Variants in HMBOX1 observed in about 807,000 individuals in gnomAD.
HMBOX1 encodes the protein homeobox-containing protein 1.
HMBOX1 carries 14 observed loss-of-function variants against 54.5 expected under a neutral mutation model. The ratio of observed to expected loss-of-function variants is 0.26; its 90% confidence interval spans 0.17 to 0.40. The LOEUF (loss-of-function observed/expected upper bound fraction) is 0.40, where lower values mean the gene tolerates loss of function less well. HMBOX1 is among the 10% of genes least tolerant of loss of function. The probability of loss-of-function intolerance (pLI) is 1.00; values close to 1 mark genes in which losing one functional copy is unlikely to be tolerated. For synonymous variants in HMBOX1, 160 were observed against 181.0 expected (o/e 0.88, Z 0.93); for missense variants, 332 against 514.4 (o/e 0.65, Z 3.43).
At chr8:29,042,601 A>T (rs529957944) in intron 6 of HMBOX1, 15 of 454,636 alleles carry the variant, frequency 3.3e-5, no homozygotes, top group African/African-American at 2.8e-4. Context: ...TGGATTTATT[A>T]AAAAAACCAA....
chr8:29,006,325 T>C (rs1458966293), intron 4 of HMBOX1, among the ~76,000 whole-genome samples: 1 of 152,080 alleles, frequency 6.6e-6, no homozygotes, highest in East Asian at 1.9e-4. Context: ...CATTTAGTTG[T>C]TTCACATTGG....
rs143598204 is a variant in HMBOX1, at chr8:28,914,413, T to C, written c.-58+23735T>C. 4.5e-3 allele frequency among the ~76,000 whole-genome samples: 691 copies of C among 152,326 alleles called. 2 individuals are homozygous for C. The highest frequency in any genetic ancestry group is 5.8e-3 in the Non-Finnish European group (395 of 68,026). ...AATAGATACCCCATCTATTAAAGAA[T>C]GGCCAGTGGGAAATTTAACATACTA... On this transcript the variant is annotated intron_variant, in intron 1 of 9. Coordinates refer to ENST00000287701, the MANE Select transcript of HMBOX1 (RefSeq NM_001135726.3).
At chr8:28,909,905 G>A (rs932353170) in intron 1 of HMBOX1, among the ~76,000 whole-genome samples, 1 of 151,700 alleles carries the variant, frequency 6.6e-6, no homozygotes, top group South Asian at 2.1e-4. Flanking sequence ...CATCACCCAG[G>A]CTGTAGTACT....
chr8:29,051,098 G>C lies in HMBOX1; in HGVS notation c.1206G>C (p.Leu402Phe). Residue 402 changes from leucine to phenylalanine, a missense_variant, in exon 10 of 10, where the codon TTG (leucine) becomes TTC (phenylalanine). Leu to Phe is a conservative substitution (Grantham distance 22). This residue lies in a region of HMBOX1 where 69 missense variants were observed against 104.6 expected (regional missense o/e 0.66). Transcript: ENST00000287701. ...VEMAAVNHTI[L>F]ALARQGANEI... is the part of the protein sequence containing the mutation. The stretch of plus-strand genomic sequence containing the variant: ...TGGCAGCAGTCAACCACACTATCTT[G>C]GCATTGGCCCGACAAGGAGCCAACG... 1.9e-6 allele frequency: 3 copies of C among 1,613,518 alleles called. No homozygotes were observed. The highest frequency in any genetic ancestry group is 2.5e-6 in the Non-Finnish European group (3 of 1,179,944).
intron 9 of HMBOX1, chr8:29,050,263 A>T: frequency 1.0e-6 from 1 of 975,144 alleles, no homozygotes; most frequent in Non-Finnish European, 1.2e-6. Context: ...GGTGAGAAAC[A>T]TACCCCTTAT....
chr8:28,937,750 A>G (rs1820653480), intron 1 of HMBOX1, among the ~76,000 whole-genome samples: 1 of 152,350 alleles, frequency 6.6e-6, no homozygotes, highest in East Asian at 1.9e-4. Flanking sequence ...AGAAAATGTG[A>G]TCGATCATCA....
chr8:28,965,593 G>T (rs1466807219), intron 2 of HMBOX1, among the ~76,000 whole-genome samples: 1 of 152,178 alleles, frequency 6.6e-6, no homozygotes, highest in Non-Finnish European at 1.5e-5. Context: ...CAGTTCTTGG[G>T]AGAGGCTGGC....
intron 5 of HMBOX1, among the ~76,000 whole-genome samples, chr8:29,012,505 A>C (rs1339974566): frequency 1.3e-5 from 2 of 152,228 alleles, no homozygotes; most frequent in Non-Finnish European, 2.9e-5. Context: ...AAAAAGGTAC[A>C]TAACAGTATC....
intron 1 of HMBOX1, among the ~76,000 whole-genome samples, chr8:28,896,990 T>C (rs376870438): frequency 6.6e-6 from 1 of 151,782 alleles, no homozygotes; most frequent in Non-Finnish European, 1.5e-5. Flanking sequence ...TTTTTTTTTT[T>C]TTCTTTTTTT....
At chr8:28,902,757 A>G (rs1452779015) in intron 1 of HMBOX1, among the ~76,000 whole-genome samples, 1 of 105,310 alleles carries the variant, frequency 9.5e-6, no homozygotes, top group Non-Finnish European at 2.1e-5. Context: ...CTACTCACGA[A>G]GGCAGTCATG....
intron 6 of HMBOX1, among the ~76,000 whole-genome samples, chr8:29,038,369 A>G (rs1563629817): frequency 6.6e-6 from 1 of 152,054 alleles, no homozygotes; most frequent in African/African-American, 2.4e-5. Context: ...GATTTATTTT[A>G]TCATTTTTTT....
chr8:29,046,124 T>G (rs1805528664), intron 7 of HMBOX1, among the ~76,000 whole-genome samples: 1 of 152,236 alleles, frequency 6.6e-6, no homozygotes, highest in Admixed American at 6.5e-5. Context: ...TTGATTGGCC[T>G]AAAGGCTACA....
intron 4 of HMBOX1, among the ~76,000 whole-genome samples, chr8:29,003,352 T>C (rs1026425452): frequency 6.6e-6 from 1 of 151,636 alleles, no homozygotes; most frequent in Non-Finnish European, 1.5e-5. Context: ...TAAATTATGG[T>C]ATAGAATACC....
At chr8:28,960,795 T>G (rs1467949765) in intron 1 of HMBOX1, among the ~76,000 whole-genome samples, 1 of 87,066 alleles carries the variant, frequency 1.1e-5, no homozygotes, top group African/African-American at 4.7e-5. Flanking sequence ...TTTTTTTTTT[T>G]TTTTTTTTTG....
At chr8:28,891,541 G>C (rs1440205301) in intron 1 of HMBOX1, 1 of 151,652 alleles carries the variant, frequency 6.6e-6, no homozygotes, top group African/African-American at 2.4e-5. Flanking sequence ...TGAAGATTCG[G>C]GGGGCCTGGG....
intron 4 of HMBOX1, among the ~76,000 whole-genome samples, chr8:28,982,470 C>T (rs995167243): frequency 3.3e-5 from 5 of 152,020 alleles, no homozygotes; most frequent in African/African-American, 1.2e-4. Flanking sequence ...TTGTTTGAGA[C>T]AGTTTCTTGC....
At chr8:28,986,575 C>G (rs958285995) in intron 4 of HMBOX1, among the ~76,000 whole-genome samples, 1 of 152,160 alleles carries the variant, frequency 6.6e-6, no homozygotes, top group Admixed American at 6.5e-5. Flanking sequence ...GAGTGGGCTT[C>G]TACATGAAAG....
intron 1 of HMBOX1, among the ~76,000 whole-genome samples, chr8:28,941,663 C>G (rs1352811906): frequency 3.3e-5 from 5 of 152,122 alleles, no homozygotes; most frequent in Non-Finnish European, 7.4e-5. Flanking sequence ...CTCTTTCCAG[C>G]CATCCTCATG....
At chr8:28,905,212 G>A (rs1397394) in intron 1 of HMBOX1, among the ~76,000 whole-genome samples, 4,799 of 152,310 alleles carry the variant, frequency 0.032, 237 homozygotes, top group African/African-American at 0.11. Context: ...CACATGAGCA[G>A]TAGGAACTGA....
Sources: gnomAD v4.1 joint callset for allele counts (sites outside exome capture counted in the v4.1 genomes callset) on GRCh38, gnomAD v4.1.1 for gene constraint, gnomAD v4.1.1 regional missense constraint, MANE v1.5 for transcripts, NCBI Gene and HGNC (gene_info 2026-07-23, HGNC 2026-07-21) for gene names.